The following KMT2D variants were observed in gnomAD, a reference collection of about 807,000 sequenced individuals.
KMT2D encodes the protein lysine methyltransferase 2D, also known as histone-lysine N-methyltransferase 2D.
KMT2D carries 55 observed loss-of-function variants against 512.7 expected under a neutral mutation model. That is an observed-to-expected ratio of 0.11 (90% CI 0.09 to 0.13). The LOEUF is 0.13. Among genes scored for constraint, KMT2D ranks in the 10% least tolerant of loss-of-function variants. The probability of loss-of-function intolerance (pLI) is 1.00; values close to 1 mark genes in which losing one functional copy is unlikely to be tolerated. For missense variants in KMT2D, 6,061 were observed against 7,127.9 expected (o/e 0.85, Z 5.39); for synonymous variants, 2,995 against 2,904.0 (o/e 1.03, Z -1.01).
chr12:49,025,668 C>G (rs949896201), intron 49 of KMT2D, among the ~76,000 whole-genome samples: 2 of 152,190 alleles, frequency 1.3e-5, no homozygotes, highest in South Asian at 4.1e-4. Context: ...TATGAACAAA[C>G]TGGGCATAAT....
At position 49,038,439 on chromosome 12, in the gene KMT2D, G is replaced by A. The variant is rs2120497420; in HGVS notation, c.8917C>T (p.Leu2973Phe). 6.2e-7 allele frequency: 1 copy of A among 1,612,150 alleles called. No homozygotes were observed. Among genetic ancestry groups the A allele is most frequent in the Non-Finnish European group, 8.5e-7 (1 of 1,178,572 alleles). The change falls in exon 35 of 55, where the codon CTT becomes TTT. Residue 2973 changes from leucine to phenylalanine, a missense_variant. Physicochemically the swap from Leu to Phe is conservative, Grantham distance 22. This residue lies in a region of KMT2D where 527 missense variants were observed against 578.9 expected (regional missense o/e 0.91). Coordinates refer to ENST00000301067, the MANE Select transcript of KMT2D (RefSeq NM_003482.4). This position sits in a 1 kb window ranked among gnomAD's most constrained non-coding sequence, Gnocchi z 5.7. The part of the protein sequence containing the change: ...LVNRPPSSTE[L>F]GRPNPLALEA... ...AGGGCCAGAGGATTGGGGCGGCCAAGCTCAGTGCTCGACGGGGGCCGGTTG... is the reference window on the plus strand; with the variant it reads ...AGGGCCAGAGGATTGGGGCGGCCAAACTCAGTGCTCGACGGGGGCCGGTTG...
chr12:49,044,364 AC>A lies in KMT2D; in HGVS notation c.5083+38del. ...TGGGGGACCTATTGAGCTGCCCCGC[AC>A]CACCCCACCACCCCACAACCCCATC... is the stretch of plus-strand genomic sequence containing the variant. On this transcript the variant is annotated intron_variant, in intron 21 of 54. Coordinates refer to ENST00000301067, the MANE Select transcript of KMT2D (RefSeq NM_003482.4). This position sits in a 1 kb window ranked among gnomAD's most constrained non-coding sequence, Gnocchi z 6.4. 1 of 1,613,320 alleles carries A rather than the reference AC, an allele frequency of 6.2e-7. No individual in the cohort carries two copies. The highest frequency in any genetic ancestry group is 8.5e-7 in the Non-Finnish European group (1 of 1,179,612).
Position 49,045,643 on chromosome 12 carries a change from C to CAA in KMT2D, c.4741+275_4741+276dup, listed in dbSNP as rs559720363. Among the ~76,000 whole-genome samples, 5,901 of 69,958 alleles carry CAA rather than the reference C, an allele frequency of 0.084. 263 individuals are homozygous for CAA. The highest frequency in any genetic ancestry group is 0.15 in the African/African-American group (3,216 of 21,416). The allele number at this position is 69,958 out of a possible 152,430, so 45.9% of individuals were successfully genotyped here. A position where few individuals can be genotyped will look rare whatever the true frequency, so the allele number is the denominator to read the frequency against. On this transcript the variant is annotated intron_variant, in intron 19 of 54. Coordinates refer to ENST00000301067, the MANE Select transcript of KMT2D (RefSeq NM_003482.4). ...TGGGCAACAGAGCAAGACTCCATCTCAAAAAAAAAAAAAAAAAAGAGATCT... is the reference window on the plus strand; with the variant it reads ...TGGGCAACAGAGCAAGACTCCATCTCAAAAAAAAAAAAAAAAAAAAGAGATCT...
In KMT2D at chr12:49,019,415, T is replaced by TAA; in HGVS notation, c.*2363_*2364dup. 1.5e-5 allele frequency: 3 copies of TAA among 198,168 alleles called. No individual in the cohort carries two copies. The highest frequency in any genetic ancestry group is 8.2e-5 in the East Asian group (1 of 12,160). The allele number at this position is 198,168 out of a possible 1,614,324, so 12.3% of individuals were successfully genotyped here. On this transcript the variant is annotated 3_prime_UTR_variant, in exon 55 of 55. Transcript: ENST00000301067. Reference sequence around the variant, plus strand: ...GATGCAATTATACAGGCAGGGTACTTAAAAAAAAAACCAACCAAAATTCCA... The same window carrying TAA: ...GATGCAATTATACAGGCAGGGTACTTAAAAAAAAAAAACCAACCAAAATTCCA...
rs2120710119 is a variant in KMT2D, at chr12:49,054,501, A to G, written c.400+27T>C. ...CTCAGGACTACCCAGCCCTTATCCC[A>G]TTTCCTGCCCCATTCTCCTCACTCA... is the stretch of plus-strand genomic sequence containing the variant. On this transcript the variant is annotated intron_variant, in intron 4 of 54. Coordinates refer to ENST00000301067, the MANE Select transcript of KMT2D (RefSeq NM_003482.4). The surrounding 1 kb of genome is among the most constrained non-coding windows in gnomAD (Gnocchi z 6.4). The G allele has an allele frequency of 6.3e-7, 1 of 1,593,372 alleles. No individual in the cohort carries two copies. The highest frequency in any genetic ancestry group is 1.7e-5 in the Admixed American group (1 of 57,152).
rs1319081207 is a variant in KMT2D, at chr12:49,042,568, C to G, written c.5860G>C (p.Asp1954His). 1 of 1,613,782 alleles carries G rather than the reference C, an allele frequency of 6.2e-7. No individual in the cohort carries two copies. The highest frequency in any genetic ancestry group is 8.5e-7 in the Non-Finnish European group (1 of 1,179,760). ...TTACGCAGAGACACCAACCTAGAATCCAGGAACGGGGACTGGCAGAGGCCT... is the reference window on the plus strand; with the variant it reads ...TTACGCAGAGACACCAACCTAGAATGCAGGAACGGGGACTGGCAGAGGCCT... The part of the protein sequence containing the change: ...YPGLCQSPFL[D>H]SRERGGFFSP... The change falls in exon 28 of 55, where the codon GAT becomes CAT. Residue 1954 changes from aspartate (D) to histidine (H), a missense_variant. Asp to His is a moderately conservative substitution (Grantham distance 81). Around this residue, in one of 16 missense-constraint regions of KMT2D, gnomAD observed 640 missense variants for 814.3 expected, o/e 0.79. Transcript: ENST00000301067. This position sits in a 1 kb window ranked among gnomAD's most constrained non-coding sequence, Gnocchi z 4.4.
chr12:49,027,984 C>G lies in KMT2D; in HGVS notation c.14515+25G>C, dbSNP rs555261558. The G allele has an allele frequency of 1.9e-6, 3 of 1,613,480 alleles. No homozygotes were observed. In the African/African-American group the frequency reaches 4.0e-5, roughly 22 times the overall value. On this transcript the variant is annotated intron_variant, in intron 47 of 54. Coordinates refer to ENST00000301067, the MANE Select transcript of KMT2D (RefSeq NM_003482.4). ...CACCAGAATCACTCCCCTCAAGTCC[C>G]AAAGGGCTTCCCTGCCACACTCACC...
At chr12:49,048,242 T>A (rs1214374868) in intron 14 of KMT2D, among the ~76,000 whole-genome samples, 173 bp from the exon 15 acceptor site, 1 of 152,212 alleles carries the variant, frequency 6.6e-6, no homozygotes, top group East Asian at 1.9e-4. Flanking sequence ...GATGCCTTAC[T>A]CACCTAATCA....
At position 49,026,111 on chromosome 12, in the gene KMT2D, A is replaced by T. The variant is rs1942568812; in HGVS notation, c.15784+71T>A. 7.1e-6 allele frequency: 10 copies of T among 1,410,638 alleles called. No individual in the cohort carries two copies. The Admixed American group carries it at 2.3e-4, about 32-fold the overall frequency. 87.4% of individuals were successfully genotyped at this position (1,410,638 alleles called of 1,614,324 possible). On this transcript the variant is annotated intron_variant, in intron 49 of 54. Transcript: ENST00000301067. The surrounding 1 kb of genome is among the most constrained non-coding windows in gnomAD (Gnocchi z 9.6). Reference sequence around the variant, plus strand: ...ATAGAAGCTACAGGTCCTCTTATAGACATTGTAACAGTGACCCTGGGAGAA... The same window carrying T: ...ATAGAAGCTACAGGTCCTCTTATAGTCATTGTAACAGTGACCCTGGGAGAA...
Position 49,027,990 on chromosome 12 carries a change from G to T in KMT2D, c.14515+19C>A, listed in dbSNP as rs1400419067. 1 of 1,613,346 alleles carries T rather than the reference G, an allele frequency of 6.2e-7. No homozygotes were observed. Among genetic ancestry groups the T allele is most frequent in the Admixed American group, 1.7e-5 (1 of 59,970 alleles). ...AATCACTCCCCTCAAGTCCCAAAGGGCTTCCCTGCCACACTCACCAGGACC... is the reference window on the plus strand; with the variant it reads ...AATCACTCCCCTCAAGTCCCAAAGGTCTTCCCTGCCACACTCACCAGGACC... On this transcript the variant is annotated intron_variant, in intron 47 of 54. Coordinates refer to ENST00000301067, the MANE Select transcript of KMT2D (RefSeq NM_003482.4).
Position 49,029,058 on chromosome 12 carries a change from T to C in KMT2D, c.14251+3A>G. ...CCTGGCCCACATCCAGAGTAGCACA[T>C]ACCTGGGATGCTGGCCCGAGGAATG... On this transcript the variant is annotated splice_donor_region_variant and intron_variant, in intron 45 of 54. Coordinates refer to ENST00000301067, the MANE Select transcript of KMT2D (RefSeq NM_003482.4). 1 of 1,602,412 alleles carries C rather than the reference T, an allele frequency of 6.2e-7. No homozygotes were observed. The highest frequency in any genetic ancestry group is 8.5e-7 in the Non-Finnish European group (1 of 1,171,958).
chr12:49,032,920 G>T lies in KMT2D; in HGVS notation c.11785C>A (p.Gln3929Lys). 6.5e-7 allele frequency: 1 copy of T among 1,550,278 alleles called. No individual in the cohort carries two copies. Among genetic ancestry groups the T allele is most frequent in the Non-Finnish European group, 8.7e-7 (1 of 1,146,922 alleles). Residue 3929 changes from glutamine (Q) to lysine (K), a missense_variant, in exon 40 of 55, where the codon CAA (glutamine) becomes AAA (lysine). Physicochemically the swap from Gln to Lys is moderately conservative, Grantham distance 53 (BLOSUM62 1). Around this residue, in one of 16 missense-constraint regions of KMT2D, gnomAD observed 1,600 missense variants for 1,754.9 expected, o/e 0.91. Transcript: ENST00000301067. Reference sequence around the variant, plus strand: ...TGCTGTTGCTGCTGTTGAAGCTGTTGCTGCTGAAGTTGCTGTTGCTGTTGT... The same window carrying T: ...TGCTGTTGCTGCTGTTGAAGCTGTTTCTGCTGAAGTTGCTGTTGCTGTTGT... ...QLQQQQQLQQ[Q>K]QLQQQQQQQQ...
In KMT2D at chr12:49,042,264, G is replaced by T. The variant is rs2120554214; in HGVS notation, c.5934C>A (p.Gly1978=). The T allele has an allele frequency of 1.3e-6, 2 of 1,577,338 alleles. No individual in the cohort carries two copies. The highest frequency in any genetic ancestry group is 4.7e-5 in the East Asian group (2 of 42,812). The change falls in exon 29 of 55, where the codon GGC becomes GGA. Residue 1978 remains glycine, a synonymous_variant. Coordinates refer to ENST00000301067, the MANE Select transcript of KMT2D (RefSeq NM_003482.4). The surrounding 1 kb of genome is among the most constrained non-coding windows in gnomAD (Gnocchi z 4.4). ...EPDSPWTGSG[G]TTPSTPTTPT... ...GGGTTGTGGGGGTGGAGGGCGTGGT[G>T]CCACCTGAGCCCGTCCAGGGGCTGT...
At chr12:49,027,443 TTTTTC>T (rs766878893) in intron 48 of KMT2D, 121 bp from the exon 49 acceptor site, 91 of 824,330 alleles carry the variant, frequency 1.1e-4, no homozygotes, top group African/African-American at 3.3e-4. Flanking sequence ...GACAGCCTCT[TTTTTC>T]TTTTCTTTTC....
rs2120610377 is a variant in KMT2D at position 49,046,652 on chromosome 12, G to A, written c.4375C>T (p.Pro1459Ser). 6.2e-7 allele frequency: 1 copy of A among 1,613,844 alleles called. No individual in the cohort carries two copies. The highest frequency in any genetic ancestry group is 8.5e-7 in the Non-Finnish European group (1 of 1,179,842). ...CCCTTGGGGACGGTGAGCAGTGGGGGGTCCAGGCAGTATGTGTGGTAGCTA... is the reference window on the plus strand; with the variant it reads ...CCCTTGGGGACGGTGAGCAGTGGGGAGTCCAGGCAGTATGTGTGGTAGCTA... ...DISYHTYCLD[P>S]PLLTVPKGGW... Residue 1459 changes from proline to serine, a missense_variant, in exon 16 of 55, where the codon CCC (proline) becomes TCC (serine). By Grantham distance (74) the Pro-to-Ser change is moderately conservative. Coordinates refer to ENST00000301067, the MANE Select transcript of KMT2D (RefSeq NM_003482.4). The surrounding 1 kb of genome is among the most constrained non-coding windows in gnomAD (Gnocchi z 4.2).
At position 49,044,804 on chromosome 12, in the gene KMT2D, G is replaced by C. The variant is rs373445112; in HGVS notation, c.4903C>G (p.Leu1635Val). ...GLEGSEPSDA[L>V]GPDDKKDGDL... ...CCATCCTTCTTGTCATCAGGGCCAA[G>C]GGCATCTGAGGGCTCAGAACCCTCC... The change falls in exon 20 of 55, where the codon CTT (leucine) becomes GTT (valine). Residue 1635 changes from leucine (L) to valine (V), a missense_variant. Transcript: ENST00000301067. The surrounding 1 kb of genome is among the most constrained non-coding windows in gnomAD (Gnocchi z 6.4). 1.2e-6 allele frequency: 2 copies of C among 1,614,074 alleles called. No individual in the cohort carries two copies. Among genetic ancestry groups the C allele is most frequent in the East Asian group, 2.2e-5 (1 of 44,882 alleles).
rs1393292865 is a variant in KMT2D at position 49,039,948 on chromosome 12, A to G, written c.7822T>C (p.Ser2608Pro). The G allele has an allele frequency of 1.9e-6, 3 of 1,613,750 alleles. No homozygotes were observed. Among genetic ancestry groups the G allele is most frequent in the African/African-American group, 1.3e-5 (1 of 74,916 alleles). ...SGSTGESYGL[S>P]PLRPPSVLPP... ...AGAACCGACGGAGGGCGTAGTGGGG[A>G]CAGCCCATAGCTCTCCCCTGTGGAC... The change falls in exon 32 of 55, where the codon TCC (serine) becomes CCC (proline). Residue 2608 changes from serine (S) to proline (P), a missense_variant. Physicochemically the swap from Ser to Pro is moderately conservative, Grantham distance 74. Around this residue, in one of 16 missense-constraint regions of KMT2D, gnomAD observed 527 missense variants for 578.9 expected, o/e 0.91. Transcript: ENST00000301067. This position sits in a 1 kb window ranked among gnomAD's most constrained non-coding sequence, Gnocchi z 5.0.
At chr12:49,055,382 A>ATC in intron 1 of KMT2D, 21 bp from the exon 2 acceptor site, 4 of 1,500,166 alleles carry the variant, frequency 2.7e-6, no homozygotes, top group Non-Finnish European at 3.7e-6. Context: ...CAAGAAAGAG[A>ATC]TCTATATGCC....
chr12:49,046,679 T>C lies in KMT2D; in HGVS notation c.4348A>G (p.Ile1450Val), dbSNP rs750735377. The C allele has an allele frequency of 9.9e-6, 16 of 1,613,780 alleles. No individual in the cohort carries two copies. In the East Asian group the frequency reaches 1.6e-4, roughly 16 times the overall value. The change falls in exon 16 of 55, where the codon ATT becomes GTT. Residue 1450 changes from isoleucine (I) to valine (V), a missense_variant. Coordinates refer to ENST00000301067, the MANE Select transcript of KMT2D (RefSeq NM_003482.4). The surrounding 1 kb of genome is among the most constrained non-coding windows in gnomAD (Gnocchi z 4.2). ...TCCAGGCAGTATGTGTGGTAGCTAA[T>C]ATCACAGTCATCACAGAGCAGCAGG... ...SRLLLCDDCD[I>V]SYHTYCLDPP...
Sources: gnomAD v4.1 joint callset for allele counts (sites outside exome capture counted in the v4.1 genomes callset) on GRCh38, gnomAD v4.1.1 for gene constraint, gnomAD v4.1.1 regional missense constraint, Gnocchi (gnomAD v3.1) non-coding constraint, MANE v1.5 for transcripts, NCBI Gene and HGNC (gene_info 2026-07-23, HGNC 2026-07-21) for gene names.